The following DRAM1 variants were observed in gnomAD, a reference collection of about 807,000 sequenced individuals.
DRAM1 encodes DNA damage regulated autophagy modulator 1, also known as DNA damage-regulated autophagy modulator protein 1.
DRAM1 carries 25 observed loss-of-function variants against 28.5 expected under a neutral mutation model. The ratio of observed to expected loss-of-function variants is 0.88; its 90% CI spans 0.64 to 1.23. The LOEUF is 1.23. DRAM1 is among the 50% of genes most tolerant of loss of function. DRAM1 has a pLI of 0.00. For missense variants in DRAM1, 249 were observed against 299.2 expected, an observed-to-expected ratio of 0.83 and a Z score of 1.24; for synonymous variants, 113 against 114.2, an observed-to-expected ratio of 0.99 and a Z score of 0.07.
intron 3 of DRAM1, among the ~76,000 whole-genome samples, chr12:101,904,732 C>T (rs931464012): frequency 6.6e-5 from 10 of 152,008 alleles, no homozygotes; most frequent in Admixed American, 1.3e-4. Flanking sequence ...TGAGCCACCG[C>T]GCCTGGCTGA....
intron 1 of DRAM1, chr12:101,890,342 A>G: frequency 4.0e-6 from 1 of 248,016 alleles, no homozygotes; most frequent in South Asian, 3.7e-5. Flanking sequence ...GGCCTCCCAA[A>G]GTGCTGGGAT....
At chr12:101,912,261 T>C (rs12297365) in intron 4 of DRAM1, among the ~76,000 whole-genome samples, 13,819 of 152,234 alleles carry the variant, frequency 0.091, 1,236 homozygotes, top group East Asian at 0.24. Context: ...CATATTTCTG[T>C]GGGATGGTGC....
chr12:101,894,241 C>T (rs1003466042), intron 1 of DRAM1, among the ~76,000 whole-genome samples: 80 of 152,182 alleles, frequency 5.3e-4, no homozygotes, highest in African/African-American at 1.8e-3. Context: ...CCTCAGCCTC[C>T]TGAGTAGCTG....
At chr12:101,896,266 G>A (rs1206280945) in intron 1 of DRAM1, among the ~76,000 whole-genome samples, 1 of 152,162 alleles carries the variant, frequency 6.6e-6, no homozygotes, top group Admixed American at 6.5e-5. Context: ...GCACACACAG[G>A]CTCCTTGTGG....
At position 101,897,400 on chromosome 12, in the gene DRAM1, C is replaced by T. The variant is rs560901937; in HGVS notation, c.132-463C>T. On this transcript the variant is annotated intron_variant, in intron 1 of 6. Transcript: ENST00000258534. ...TTTTTAGTAGAGATGGGGGTTTTAC[C>T]ATGTTGGCCAGGCTGGTCTTGAACT... Among the ~76,000 whole-genome samples, 21 of 152,034 alleles carry T rather than the reference C, an allele frequency of 1.4e-4. No individual in the cohort carries two copies. The South Asian group carries it at 4.4e-3, about 32-fold the overall frequency.
chr12:101,902,609 A>G (rs1873647911), intron 3 of DRAM1, among the ~76,000 whole-genome samples: 1 of 152,214 alleles, frequency 6.6e-6, no homozygotes. Flanking sequence ...ATCATGAGAG[A>G]TACAGATGTC....
At chr12:101,903,961 A>ACC (rs1555283259) in intron 3 of DRAM1, among the ~76,000 whole-genome samples, 27 of 116,498 alleles carry the variant, frequency 2.3e-4, no homozygotes, top group African/African-American at 5.3e-4. Flanking sequence ...ACACACACAC[A>ACC]CCCCTATAAG....
Position 101,897,933 on chromosome 12 carries a change from A to G in DRAM1, c.199+3A>G, listed in dbSNP as rs1416826412. ...GATAAACTTCTCTGCATTTCTTGGT[A>G]AGTACACAATAATTATTATAAATAA... On this transcript the variant is annotated splice_donor_region_variant and intron_variant, in intron 2 of 6. Transcript: ENST00000258534. 5 of 1,547,124 alleles carry G rather than the reference A, an allele frequency of 3.2e-6. No homozygotes were observed. Among genetic ancestry groups the G allele is most frequent in the Admixed American group, 1.7e-5 (1 of 59,678 alleles).
chr12:101,900,215 C>A (rs1233940506), intron 2 of DRAM1, among the ~76,000 whole-genome samples: 1 of 152,180 alleles, frequency 6.6e-6, no homozygotes, highest in African/African-American at 2.4e-5. Context: ...ATCCTCCTCA[C>A]ATCATACACA....
intron 3 of DRAM1, among the ~76,000 whole-genome samples, chr12:101,905,341 G>A (rs934536597): frequency 6.6e-6 from 1 of 152,094 alleles, no homozygotes; most frequent in Non-Finnish European, 1.5e-5. Flanking sequence ...GAGTGCAGTG[G>A]TGTGATCATG....
intron 5 of DRAM1, among the ~76,000 whole-genome samples, chr12:101,917,577 T>G (rs1234915762): frequency 1.3e-5 from 2 of 151,802 alleles, no homozygotes; most frequent in African/African-American, 4.8e-5. Context: ...TCCCAGCTAC[T>G]TGGGAGGCTG....
chr12:101,887,532 CTTTTTCTTT>C (rs935225038), intron 1 of DRAM1, among the ~76,000 whole-genome samples: 33 of 143,858 alleles, frequency 2.3e-4, no homozygotes, highest in African/African-American at 8.4e-4. Context: ...AGACTTTTTT[CTTTTTCTTT>C]TTTTTTTGAG....
chr12:101,901,069 C>T (rs930380448), intron 2 of DRAM1, among the ~76,000 whole-genome samples: 1 of 144,456 alleles, frequency 6.9e-6, no homozygotes, highest in Non-Finnish European at 1.5e-5. Flanking sequence ...AAAAGGACAA[C>T]AGCCAAGGGG....
rs565405129 is a variant in DRAM1, at chr12:101,894,206, C to T, written c.132-3657C>T. Among the ~76,000 whole-genome samples the T allele has an allele frequency of 7.6e-4, 115 of 152,306 alleles. 1 individual carries two copies. Among genetic ancestry groups the T allele is most frequent in the Admixed American group, 2.5e-3 (38 of 15,302 alleles). Reference sequence around the variant, plus strand: ...GATCTCGGCTCACTGCAACCTCCACCTCCCAGGTTCAAATGATTCTCCTGC... The same window carrying T: ...GATCTCGGCTCACTGCAACCTCCACTTCCCAGGTTCAAATGATTCTCCTGC... On this transcript the variant is annotated intron_variant, in intron 1 of 6. Coordinates refer to ENST00000258534, the MANE Select transcript of DRAM1 (RefSeq NM_018370.3).
intron 1 of DRAM1, among the ~76,000 whole-genome samples, chr12:101,890,375 C>T (rs919057579): frequency 2.1e-4 from 17 of 79,950 alleles, no homozygotes; most frequent in African/African-American, 8.1e-4. Flanking sequence ...CCACCGAGCC[C>T]GGCCCTATTT....
intron 2 of DRAM1, among the ~76,000 whole-genome samples, chr12:101,898,454 G>A (rs1873471199): frequency 6.6e-6 from 1 of 152,188 alleles, no homozygotes; most frequent in South Asian, 2.1e-4. Flanking sequence ...TTTGTAACAG[G>A]ATTTGCTGTA....
chr12:101,891,773 G>A lies in DRAM1; in HGVS notation c.132-6090G>A, dbSNP rs137861310. ...TTAGCAAGGAGGCAAATCAGGTGGT[G>A]GGTGGAGCTGGGCAGGGCCCACTGC... On this transcript the variant is annotated intron_variant, in intron 1 of 6. Coordinates refer to ENST00000258534, the MANE Select transcript of DRAM1 (RefSeq NM_018370.3). Among the ~76,000 whole-genome samples, 213 of 152,354 alleles carry A rather than the reference G, an allele frequency of 1.4e-3. 1 individual carries two copies. The highest frequency in any genetic ancestry group is 4.7e-3 in the African/African-American group (196 of 41,580).
chr12:101,909,261 C>CAAAAAAAA (rs367840267), intron 4 of DRAM1, among the ~76,000 whole-genome samples: 2 of 141,930 alleles, frequency 1.4e-5, no homozygotes, highest in Non-Finnish European at 1.5e-5. Flanking sequence ...AACTCCGTCT[C>CAAAAAAAA]AAAAAAAAAA....
At chr12:101,901,078 G>GGTGTGTGT (rs67125604) in intron 2 of DRAM1, among the ~76,000 whole-genome samples, 1 of 142,930 alleles carries the variant, frequency 7.0e-6, no homozygotes, top group African/African-American at 2.6e-5. Context: ...ACAGCCAAGG[G>GGTGTGTGT]GTGTGTGTGT....
Sources: gnomAD v4.1 joint callset for allele counts (sites outside exome capture counted in the v4.1 genomes callset) on GRCh38, gnomAD v4.1.1 for gene constraint, MANE v1.5 for transcripts, NCBI Gene and HGNC (gene_info 2026-07-23, HGNC 2026-07-21) for gene names.